The following C1orf21 variants were observed in gnomAD, a reference collection of about 807,000 sequenced individuals.
C1orf21 encodes chromosome 1 open reading frame 21, also known as uncharacterized protein C1orf21.
A neutral mutation model predicts 18.7 loss-of-function variants in C1orf21; 3 were observed. The observed-to-expected ratio is 0.16, with a 90% CI of 0.07 to 0.42. The LOEUF (loss-of-function observed/expected upper bound fraction) is 0.42. Among genes scored for constraint, C1orf21 ranks in the 10% least tolerant of loss-of-function variants. The probability of loss-of-function intolerance (pLI) is 0.99; values close to 1 mark genes in which losing one functional copy is unlikely to be tolerated. For missense variants in C1orf21, 104 were observed against 143.6 expected (o/e 0.72, Z 1.41); for synonymous variants, 41 against 46.4 (o/e 0.88, Z 0.47).
intron 3 of C1orf21, among the ~76,000 whole-genome samples, chr1:184,519,603 G>C (rs1308752788): frequency 6.6e-6 from 1 of 152,138 alleles, no homozygotes; most frequent in Non-Finnish European, 1.5e-5. Context: ...AGAGTACCCA[G>C]AACAATAACA....
At chr1:184,598,493 C>T (rs1226306702) in intron 5 of C1orf21, 32 bp downstream of exon 5, 1 of 1,582,064 alleles carries the variant, frequency 6.3e-7, no homozygotes, top group Non-Finnish European at 8.7e-7. Context: ...CTACATGTTT[C>T]AAGGGAAGTA....
chr1:184,531,217 C>T (rs1019487222), intron 3 of C1orf21, among the ~76,000 whole-genome samples: 25 of 152,122 alleles, frequency 1.6e-4, no homozygotes, highest in South Asian at 4.1e-4. Context: ...TTGTATCTGG[C>T]TTTGGTGTTA....
intron 2 of C1orf21, among the ~76,000 whole-genome samples, chr1:184,482,169 C>T (rs1460581342): frequency 6.6e-6 from 1 of 152,108 alleles, no homozygotes; most frequent in African/African-American, 2.4e-5. Context: ...TTGTTCTCTC[C>T]CGGGCTCAGT....
At chr1:184,583,661 T>C (rs1344505736) in intron 3 of C1orf21, among the ~76,000 whole-genome samples, 1 of 152,180 alleles carries the variant, frequency 6.6e-6, no homozygotes, top group Non-Finnish European at 1.5e-5. Context: ...CCTAAGACTC[T>C]TGTTTAAAAT....
chr1:184,440,444 G>A (rs907689882), intron 1 of C1orf21, among the ~76,000 whole-genome samples: 1 of 151,728 alleles, frequency 6.6e-6, no homozygotes, highest in Non-Finnish European at 1.5e-5. Flanking sequence ...TAGAGACAGG[G>A]TTTCACCATA....
chr1:184,559,379 A>C (rs1407585049), intron 3 of C1orf21, among the ~76,000 whole-genome samples: 1 of 152,052 alleles, frequency 6.6e-6, no homozygotes, highest in Admixed American at 6.5e-5. Context: ...AAGCAGATGC[A>C]GCTGTGCTTC....
intron 2 of C1orf21, among the ~76,000 whole-genome samples, chr1:184,501,169 T>C (rs1053430420): frequency 3.9e-5 from 6 of 152,224 alleles, no homozygotes; most frequent in African/African-American, 1.4e-4. Flanking sequence ...GCCTGGACAC[T>C]GGCCAGGGAG....
chr1:184,389,303 AG>A (rs969524977), intron 1 of C1orf21, among the ~76,000 whole-genome samples: 1 of 152,180 alleles, frequency 6.6e-6, no homozygotes, highest in African/African-American at 2.4e-5. Flanking sequence ...ATGTTTCCAA[AG>A]AAAAATGGCC....
chr1:184,598,215 A>G (rs570267890), intron 4 of C1orf21, among the ~76,000 whole-genome samples, 186 bp from the exon 5 acceptor site: 1 of 152,274 alleles, frequency 6.6e-6, no homozygotes, highest in African/African-American at 2.4e-5. Context: ...CTGATAGACA[A>G]TTATGAAACA....
chr1:184,447,327 CT>C (rs1161285719), intron 1 of C1orf21, among the ~76,000 whole-genome samples: 1 of 152,156 alleles, frequency 6.6e-6, no homozygotes, highest in Non-Finnish European at 1.5e-5. Flanking sequence ...TAGGTTAATG[CT>C]TTTTACCAGC....
chr1:184,514,903 G>T (rs1442581139), intron 3 of C1orf21, among the ~76,000 whole-genome samples: 2 of 152,128 alleles, frequency 1.3e-5, no homozygotes, highest in Admixed American at 1.3e-4. Context: ...CAGCAACACT[G>T]TATTTTCTGT....
At chr1:184,409,378 G>A (rs1012934641) in intron 1 of C1orf21, among the ~76,000 whole-genome samples, 6 of 152,180 alleles carry the variant, frequency 3.9e-5, no homozygotes, top group Non-Finnish European at 7.3e-5. Context: ...TTTGTGGGGT[G>A]AGGAATGTGG....
At chr1:184,413,920 T>C (rs149627875) in intron 1 of C1orf21, among the ~76,000 whole-genome samples, 345 of 152,248 alleles carry the variant, frequency 2.3e-3, no homozygotes, top group Middle Eastern at 0.017. Flanking sequence ...TGAAAATAAT[T>C]TTTCTTTGTA....
At chr1:184,396,392 A>G (rs951439004) in intron 1 of C1orf21, among the ~76,000 whole-genome samples, 3 of 152,214 alleles carry the variant, frequency 2.0e-5, no homozygotes, top group African/African-American at 7.2e-5. Flanking sequence ...GGATTTAGGA[A>G]GCAGAACTGA....
chr1:184,465,887 T>C (rs1468564839), intron 1 of C1orf21, among the ~76,000 whole-genome samples: 4 of 152,216 alleles, frequency 2.6e-5, no homozygotes, highest in Non-Finnish European at 5.9e-5. Context: ...AGATGTGATG[T>C]GCTGAAGAGT....
intron 5 of C1orf21, among the ~76,000 whole-genome samples, chr1:184,612,900 A>T (rs1659760073): frequency 6.6e-6 from 1 of 152,142 alleles, no homozygotes; most frequent in South Asian, 2.1e-4. Flanking sequence ...TTCTATTATT[A>T]GTTGTTACTG....
At chr1:184,595,883 G>A (rs1278720493) in intron 4 of C1orf21, among the ~76,000 whole-genome samples, 2 of 152,196 alleles carry the variant, frequency 1.3e-5, no homozygotes, top group African/African-American at 4.8e-5. Flanking sequence ...ATGAAATGTG[G>A]CAAAGGCAGG....
chr1:184,543,191 TA>T (rs1469690514), intron 3 of C1orf21, among the ~76,000 whole-genome samples: 1 of 152,002 alleles, frequency 6.6e-6, no homozygotes, highest in African/African-American at 2.4e-5. Context: ...ACAAAAAAAT[TA>T]AAAAATTAGC....
chr1:184,521,459 G>C (rs576104582), intron 3 of C1orf21, among the ~76,000 whole-genome samples: 1 of 152,074 alleles, frequency 6.6e-6, no homozygotes, highest in African/African-American at 2.4e-5. Context: ...GAAGGAATGA[G>C]CTACCAAGCC....
Sources: allele counts gnomAD v4.1 joint callset (sites outside exome capture counted in the v4.1 genomes callset), GRCh38; gene constraint gnomAD v4.1.1; transcripts MANE v1.5; gene names NCBI Gene and HGNC (gene_info 2026-07-23, HGNC 2026-07-21).